Variants in LCA5 observed in about 807,000 individuals in gnomAD.
LCA5 encodes the protein lebercilin.
LCA5 carries 37 observed loss-of-function variants against 53.0 expected under a neutral mutation model. The ratio of observed to expected loss-of-function variants is 0.70; its 90% CI spans 0.54 to 0.92. LCA5 has a LOEUF of 0.92. Ranked by LOEUF, LCA5 falls within the 40% of genes least tolerant of loss-of-function variation. LCA5 has a pLI of 0.00. For missense variants in LCA5, 806 were observed against 790.5 expected (o/e 1.02, Z -0.23); for synonymous variants, 303 against 282.9 (o/e 1.07, Z -0.71).
At position 79,507,705 on chromosome 6, in the gene LCA5, C is replaced by A. The variant is rs559977979; in HGVS notation, c.720+5507G>T. Among the ~76,000 whole-genome samples the A allele has an allele frequency of 1.4e-4, 22 of 152,206 alleles. 1 individual carries two copies. The South Asian group carries it at 4.1e-3, about 29-fold the overall frequency. ...CCTTACCTGTGAGGAACATCTGAGT[C>A]CCTGGCCTGTCCCGTGGAATGCTGG... On this transcript the variant is annotated intron_variant, in intron 3 of 7. Coordinates refer to ENST00000369846, the MANE Select transcript of LCA5 (RefSeq NM_001122769.3).
chr6:79,533,673 C>T (rs1247340773), intron 1 of LCA5, among the ~76,000 whole-genome samples: 1 of 150,600 alleles, frequency 6.6e-6, no homozygotes, highest in Admixed American at 6.6e-5. Context: ...TCCTCGAGTG[C>T]CAGAAGTTTC....
At chr6:79,522,447 G>T (rs1018568606) in intron 1 of LCA5, among the ~76,000 whole-genome samples, 1 of 151,968 alleles carries the variant, frequency 6.6e-6, no homozygotes, top group African/African-American at 2.4e-5. Flanking sequence ...GACACTGAAA[G>T]TAGGAGAGAG....
At chr6:79,529,876 T>A (rs1766904813) in intron 1 of LCA5, among the ~76,000 whole-genome samples, 1 of 147,356 alleles carries the variant, frequency 6.8e-6, no homozygotes, top group East Asian at 2.0e-4. Context: ...AAACACCGCA[T>A]GTTCTCACTT....
Position 79,493,748 on chromosome 6 carries a change from C to T in LCA5, c.723G>A (p.Glu241=), listed in dbSNP as rs1298853497. The T allele has an allele frequency of 6.8e-6, 11 of 1,610,086 alleles. No homozygotes were observed. The South Asian group carries it at 9.9e-5, about 15-fold the overall frequency. The part of the protein sequence containing the change: ...KLDDTERRIK[E]LSKNLELSTN... The stretch of plus-strand genomic sequence containing the variant: ...TACTCAGTTCAAGGTTTTTCGATAG[C>T]TCCTATATGTATAAATACATAAAAA... The change falls in exon 4 of 8, where the codon GAG becomes GAA. Residue 241 remains glutamate (E), a splice_region_variant and synonymous_variant. Transcript: ENST00000369846.
chr6:79,491,452 C>T, intron 6 of LCA5, 136 bp downstream of exon 6: 1 of 881,650 alleles, frequency 1.1e-6, no homozygotes, highest in Admixed American at 2.1e-5. Flanking sequence ...ATACCTCTTT[C>T]CCTTCAAAAA....
intron 3 of LCA5, among the ~76,000 whole-genome samples, chr6:79,505,341 T>C (rs1265330669): frequency 1.3e-5 from 2 of 152,140 alleles, no homozygotes; most frequent in Non-Finnish European, 2.9e-5. Flanking sequence ...ACAATAAAAA[T>C]TAGTAGAATC....
intron 1 of LCA5, among the ~76,000 whole-genome samples, chr6:79,520,459 C>G (rs768997360): frequency 3.9e-5 from 6 of 152,086 alleles, no homozygotes; most frequent in Non-Finnish European, 8.8e-5. Flanking sequence ...ATAGTCCCTG[C>G]CTGACAACAT....
intron 2 of LCA5, among the ~76,000 whole-genome samples, chr6:79,514,682 TAAGA>T (rs1766376409): frequency 6.6e-6 from 1 of 152,116 alleles, no homozygotes; most frequent in Non-Finnish European, 1.5e-5. Context: ...TATACAGCCA[TAAGA>T]AAGAATGAGA....
rs116839241 is a variant in LCA5 at position 79,523,796 on chromosome 6, C to G, written c.-191-4711G>C. 4.4e-3 allele frequency among the ~76,000 whole-genome samples: 666 copies of G among 152,218 alleles called. 9 individuals carry two copies. The highest frequency in any genetic ancestry group is 0.015 in the African/African-American group (630 of 41,562). ...ACACACAGTGTTCTCTCCCTGCCCC[C>G]CCTCAAATACTTCCACATAGTTCCA... On this transcript the variant is annotated intron_variant, in intron 1 of 7. Coordinates refer to ENST00000369846, the MANE Select transcript of LCA5 (RefSeq NM_001122769.3).
intron 5 of LCA5, among the ~76,000 whole-genome samples, chr6:79,492,035 T>C (rs549693137): frequency 6.6e-6 from 1 of 152,162 alleles, no homozygotes; most frequent in Non-Finnish European, 1.5e-5. Flanking sequence ...ACAACATTTA[T>C]ACTTTAAAAT....
At chr6:79,522,659 TA>T (rs1279150761) in intron 1 of LCA5, among the ~76,000 whole-genome samples, 4 of 152,130 alleles carry the variant, frequency 2.6e-5, no homozygotes, top group Non-Finnish European at 2.9e-5. Flanking sequence ...TAAATTGTAT[TA>T]AAAAATTATA....
At chr6:79,527,158 C>T (rs1766815834) in intron 1 of LCA5, among the ~76,000 whole-genome samples, 1 of 152,070 alleles carries the variant, frequency 6.6e-6, no homozygotes, top group Admixed American at 6.5e-5. Context: ...ATGCAAACAG[C>T]TGAACAGCAG....
intron 1 of LCA5, among the ~76,000 whole-genome samples, chr6:79,532,921 A>G (rs1767000170): frequency 6.6e-6 from 1 of 152,176 alleles, no homozygotes; most frequent in South Asian, 2.1e-4. Flanking sequence ...TAGAATATTA[A>G]GTTCCATTTT....
intron 3 of LCA5, 63 bp from the exon 4 acceptor site, chr6:79,493,813 A>C: frequency 8.0e-7 from 1 of 1,254,364 alleles, no homozygotes; most frequent in Non-Finnish European, 1.1e-6. Flanking sequence ...AACATAACAC[A>C]TGGCAGTGTC....
At chr6:79,520,106 T>A (rs137859687) in intron 1 of LCA5, among the ~76,000 whole-genome samples, 125 of 152,228 alleles carry the variant, frequency 8.2e-4, no homozygotes, top group African/African-American at 2.8e-3. Flanking sequence ...TGGACTCCAA[T>A]AAAATAATGC....
intron 3 of LCA5, among the ~76,000 whole-genome samples, chr6:79,507,462 A>G (rs767474170): frequency 1.4e-4 from 22 of 152,186 alleles, no homozygotes; most frequent in Non-Finnish European, 2.9e-4. Context: ...TTTGGAAATC[A>G]CTACTTTATA....
intron 3 of LCA5, among the ~76,000 whole-genome samples, chr6:79,496,560 A>ATT (rs1383452876): frequency 4.6e-5 from 7 of 152,342 alleles, no homozygotes; most frequent in Admixed American, 2.6e-4. Context: ...TAGTTTTGCT[A>ATT]AAGAAACCAG....
At position 79,528,615 on chromosome 6, in the gene LCA5, G is replaced by A. The variant is rs570345350; in HGVS notation, c.-192+8550C>T. Among the ~76,000 whole-genome samples, 15 of 152,270 alleles carry A rather than the reference G, an allele frequency of 9.9e-5. No individual in the cohort carries two copies. In the South Asian group the frequency reaches 2.7e-3, roughly 27 times the overall value. ...ACTCAATAGGAGTCCCTAGGGAGAT[G>A]CCTAATGAACTTAAGGCCCGAAACC... On this transcript the variant is annotated intron_variant, in intron 1 of 7. Transcript: ENST00000369846.
intron 6 of LCA5, among the ~76,000 whole-genome samples, chr6:79,489,619 A>T (rs1047164329): frequency 6.6e-6 from 1 of 152,182 alleles, no homozygotes; most frequent in African/African-American, 2.4e-5. Context: ...TAACATGAGC[A>T]GTGACAATAT....
Sources: allele counts gnomAD v4.1 joint callset (sites outside exome capture counted in the v4.1 genomes callset), GRCh38; gene constraint gnomAD v4.1.1; transcripts MANE v1.5; gene names NCBI Gene and HGNC (gene_info 2026-07-23, HGNC 2026-07-21).